The following RPTOR variants were observed in gnomAD, a reference collection of about 807,000 sequenced individuals.
The protein encoded by RPTOR is regulatory associated protein of MTOR complex 1.
RPTOR carries 21 observed loss-of-function variants against 169.9 expected under a neutral mutation model. That is an observed-to-expected ratio of 0.12 (90% CI 0.09 to 0.18). RPTOR has a LOEUF of 0.18. Ranked by LOEUF, RPTOR falls within the 10% of genes least tolerant of loss-of-function variation. The probability of loss-of-function intolerance (pLI) is 1.00; values close to 1 mark genes in which losing one functional copy is unlikely to be tolerated. For synonymous variants in RPTOR, 732 were observed against 753.2 expected, an observed-to-expected ratio of 0.97 and a Z score of 0.46; for missense variants, 1,133 against 1,855.9, an observed-to-expected ratio of 0.61 and a Z score of 7.16.
At chr17:80,822,874 T>C (rs1385158033) in intron 8 of RPTOR, among the ~76,000 whole-genome samples, 1 of 152,194 alleles carries the variant, frequency 6.6e-6, no homozygotes, top group Non-Finnish European at 1.5e-5. Flanking sequence ...TGTATGCATG[T>C]GTGCATGTGT....
chr17:80,940,389 C>T lies in RPTOR; in HGVS notation c.2920-107C>T, dbSNP rs1463899481. On this transcript the variant is annotated intron_variant, in intron 24 of 33. Transcript: ENST00000306801. ...CACCCTTTCGTATTGGGGACTGAGCCGCGCAGGTTTTGCTATCCGAGGGGT... is the reference window on the plus strand; with the variant it reads ...CACCCTTTCGTATTGGGGACTGAGCTGCGCAGGTTTTGCTATCCGAGGGGT... 25 of 815,204 alleles carry T rather than the reference C, an allele frequency of 3.1e-5. 1 individual carries two copies. The East Asian group carries it at 4.0e-4, about 13-fold the overall frequency. 50.5% of individuals were successfully genotyped at this position (815,204 alleles called of 1,614,324 possible). A position where few individuals can be genotyped will look rare whatever the true frequency, so the allele number is the denominator to read the frequency against.
At position 80,545,057 on chromosome 17, in the gene RPTOR, C is replaced by G. The variant is rs1374031549; in HGVS notation, c.-573C>G. Reference sequence around the variant, plus strand: ...CCGCGCGGACCTGAGGTTGAGGAACCGGGTGCAGGCGAGCACGATGGGCCG... The same window carrying G: ...CCGCGCGGACCTGAGGTTGAGGAACGGGGTGCAGGCGAGCACGATGGGCCG... On this transcript the variant is annotated 5_prime_UTR_variant, in exon 1 of 34. Transcript: ENST00000306801. 1 of 233,048 alleles carries G rather than the reference C, an allele frequency of 4.3e-6. No individual in the cohort carries two copies. 14.4% of individuals were successfully genotyped at this position (233,048 alleles called of 1,614,324 possible). A position where few individuals can be genotyped will look rare whatever the true frequency, so the allele number is the denominator to read the frequency against.
intron 21 of RPTOR, 37 bp from the exon 22 acceptor site, chr17:80,922,687 C>G: frequency 1.3e-6 from 2 of 1,508,262 alleles, no homozygotes; most frequent in Middle Eastern, 3.4e-4. Flanking sequence ...GGAGCACGTC[C>G]CGTCTGACCT....
chr17:80,728,316 T>C (rs2066357774), intron 4 of RPTOR, among the ~76,000 whole-genome samples: 1 of 152,224 alleles, frequency 6.6e-6, no homozygotes. Flanking sequence ...TATAGATTTT[T>C]TTATCTTACT....
In RPTOR at chr17:80,832,384, A is replaced by T. The variant is rs538232446; in HGVS notation, c.1137-5538A>T. Among the ~76,000 whole-genome samples, 3 of 152,316 alleles carry T rather than the reference A, an allele frequency of 2.0e-5. No homozygotes were observed. In the South Asian group the frequency reaches 6.2e-4, roughly 32 times the overall value. On this transcript the variant is annotated intron_variant, in intron 9 of 33. Coordinates refer to ENST00000306801, the MANE Select transcript of RPTOR (RefSeq NM_020761.3). ...CCGCGAGGAGTGGACGAGGCAGCTC[A>T]GGCCTGGGGGACAGACTTGGAGCTC...
intron 7 of RPTOR, among the ~76,000 whole-genome samples, chr17:80,796,816 G>A (rs77068358): frequency 6.6e-6 from 1 of 152,252 alleles, no homozygotes; most frequent in African/African-American, 2.4e-5. Context: ...AACTCCCGTG[G>A]TGCCTCCGCC....
At chr17:80,565,493 A>G (rs900773120) in intron 1 of RPTOR, among the ~76,000 whole-genome samples, 2 of 152,196 alleles carry the variant, frequency 1.3e-5, no homozygotes, top group Admixed American at 6.5e-5. Flanking sequence ...GAGCCAGTGC[A>G]GGGGAGAGTC....
rs374127851 is a variant in RPTOR at position 80,791,487 on chromosome 17, G to A, written c.868G>A (p.Val290Ile). The A allele has an allele frequency of 8.8e-5, 142 of 1,613,632 alleles. No individual in the cohort carries two copies. Among genetic ancestry groups the A allele is most frequent in the East Asian group, 1.1e-4 (5 of 44,864 alleles). ...GAAATGTGTCAGTCTGGTGCCTGGC[G>A]TCACACTGGATTTGATAGAAAAGTA... The part of the protein sequence containing the change: ...MQKCVSLVPG[V>I]TLDLIEKIPG... Residue 290 changes from valine (V) to isoleucine (I), a missense_variant, in exon 7 of 34, where the codon GTC (valine) becomes ATC (isoleucine). Physicochemically the swap from Val to Ile is conservative, Grantham distance 29. Around this residue, in one of 9 missense-constraint regions of RPTOR, gnomAD observed 289 missense variants for 585.8 expected, o/e 0.49. Coordinates refer to ENST00000306801, the MANE Select transcript of RPTOR (RefSeq NM_020761.3).
rs147496678 is a variant in RPTOR, at chr17:80,669,545, C to T, written c.348+25735C>T. ...GATTACAGGCGTGCGCCACCATGCC[C>T]GGCTAATTTTGTATTTTTAATAGAG... is the stretch of plus-strand genomic sequence containing the variant. On this transcript the variant is annotated intron_variant, in intron 3 of 33. Transcript: ENST00000306801. Among the ~76,000 whole-genome samples the T allele has an allele frequency of 6.3e-3, 952 of 152,316 alleles. 5 individuals are homozygous for T. Among genetic ancestry groups the T allele is most frequent in the Middle Eastern group, 0.014 (4 of 294 alleles).
At chr17:80,785,463 C>T (rs1448608702) in intron 6 of RPTOR, among the ~76,000 whole-genome samples, 3 of 152,162 alleles carry the variant, frequency 2.0e-5, no homozygotes, top group Non-Finnish European at 4.4e-5. Flanking sequence ...AGAACTGTTT[C>T]GTGTTGCTCT....
At chr17:80,877,427 C>CATCT (rs2068133416) in intron 13 of RPTOR, among the ~76,000 whole-genome samples, 3 of 152,246 alleles carry the variant, frequency 2.0e-5, no homozygotes. Flanking sequence ...TCAGAACAGA[C>CATCT]ATCTGGTAGT....
chr17:80,764,085 T>C (rs989142024), intron 6 of RPTOR, among the ~76,000 whole-genome samples: 2 of 151,950 alleles, frequency 1.3e-5, no homozygotes, highest in Non-Finnish European at 2.9e-5. Context: ...TCTCTTTAAC[T>C]AACTTGAAGT....
chr17:80,780,002 G>A (rs1391099046), intron 6 of RPTOR, among the ~76,000 whole-genome samples: 5 of 152,038 alleles, frequency 3.3e-5, no homozygotes, highest in South Asian at 4.1e-4. Flanking sequence ...ATGCTGTTGC[G>A]GCTCTCATCT....
At chr17:80,904,657 A>G (rs1366199526) in intron 20 of RPTOR, among the ~76,000 whole-genome samples, 1 of 151,650 alleles carries the variant, frequency 6.6e-6, no homozygotes, top group African/African-American at 2.4e-5. Flanking sequence ...CCGGTCCCTG[A>G]CTCCCTGCCG....
rs982648074 is a variant in RPTOR, at chr17:80,754,782, C to G, written c.830+597C>G. 1.3e-5 allele frequency among the ~76,000 whole-genome samples: 2 copies of G among 152,216 alleles called. No individual in the cohort carries two copies. Among genetic ancestry groups the G allele is most frequent in the Non-Finnish European group, 2.9e-5 (2 of 68,042 alleles). On this transcript the variant is annotated intron_variant, in intron 6 of 33. Coordinates refer to ENST00000306801, the MANE Select transcript of RPTOR (RefSeq NM_020761.3). The surrounding 1 kb of genome is among the most constrained non-coding windows in gnomAD (Gnocchi z 4.2). The stretch of plus-strand genomic sequence containing the variant: ...TCCAAATCCAATATTCTCCCCTAGA[C>G]CATCTTGCCAGTCTTTAATATCTCC...
At chr17:80,821,184 T>C (rs766812348) in intron 7 of RPTOR, among the ~76,000 whole-genome samples, 3 of 152,122 alleles carry the variant, frequency 2.0e-5, no homozygotes, top group Non-Finnish European at 2.9e-5. Flanking sequence ...TTTGGGAGGG[T>C]GAGGCGGGAG....
intron 6 of RPTOR, among the ~76,000 whole-genome samples, chr17:80,760,265 G>A (rs1419103162): frequency 6.6e-6 from 1 of 151,000 alleles, no homozygotes; most frequent in African/African-American, 2.4e-5. Flanking sequence ...ATAAACAAAT[G>A]AGCATGGCTG....
chr17:80,816,163 G>T (rs2067320992), intron 7 of RPTOR, among the ~76,000 whole-genome samples: 1 of 152,260 alleles, frequency 6.6e-6, no homozygotes, highest in Non-Finnish European at 1.5e-5. Flanking sequence ...GGAGAACCTT[G>T]TATGTTTGGG....
At chr17:80,945,137 CA>C (rs879640790) in intron 25 of RPTOR, among the ~76,000 whole-genome samples, 3 of 151,354 alleles carry the variant, frequency 2.0e-5, no homozygotes, top group East Asian at 3.9e-4. Flanking sequence ...CAACAAAAAA[CA>C]AAAAAAAGTA....
Sources: gnomAD v4.1 joint callset for allele counts (sites outside exome capture counted in the v4.1 genomes callset) on GRCh38, gnomAD v4.1.1 for gene constraint, gnomAD v4.1.1 regional missense constraint, Gnocchi (gnomAD v3.1) non-coding constraint, MANE v1.5 for transcripts, NCBI Gene and HGNC (gene_info 2026-07-23, HGNC 2026-07-21) for gene names.